Variants in SOAT1 observed in about 807,000 individuals in gnomAD.
The protein encoded by SOAT1 is acyl-coenzyme A:cholesterol acyltransferase 1.
Under a neutral mutation model 69.5 loss-of-function variants are expected in SOAT1, and 55 were observed. The ratio of observed to expected loss-of-function variants is 0.79; its 90% CI spans 0.64 to 0.99. The LOEUF is 0.99. SOAT1 is among the 50% of genes least tolerant of loss of function. SOAT1 has a pLI of 0.00. For synonymous variants in SOAT1, 231 were observed against 224.7 expected (o/e 1.03, Z -0.25); for missense variants, 580 against 669.3 (o/e 0.87, Z 1.47).
chr1:179,353,213 A>ATATATAT (rs1666800849), intron 15 of SOAT1, among the ~76,000 whole-genome samples: 1 of 116,560 alleles, frequency 8.6e-6, no homozygotes, highest in Non-Finnish European at 1.7e-5. Context: ...ATATAAATAT[A>ATATATAT]TATATATATA....
At chr1:179,294,978 T>A (rs1664583394) in intron 1 of SOAT1, among the ~76,000 whole-genome samples, 1 of 152,040 alleles carries the variant, frequency 6.6e-6, no homozygotes, top group African/African-American at 2.4e-5. Context: ...GCGGTGTCAG[T>A]GAATGACTTG....
chr1:179,346,268 C>A (rs1272192024), intron 11 of SOAT1, among the ~76,000 whole-genome samples: 2 of 152,144 alleles, frequency 1.3e-5, no homozygotes, highest in African/African-American at 4.8e-5. Context: ...TATAGCCAAT[C>A]ACAGTCTCTC....
intron 2 of SOAT1, among the ~76,000 whole-genome samples, chr1:179,317,506 C>T (rs1014103295): frequency 8.8e-5 from 12 of 137,062 alleles, no homozygotes; most frequent in African/African-American, 3.2e-4. Flanking sequence ...ACCCTCCAGC[C>T]TGGGTGACAG....
At chr1:179,340,908 A>T in intron 6 of SOAT1, 120 bp from the exon 7 acceptor site, 2 of 816,488 alleles carry the variant, frequency 2.4e-6, no homozygotes, top group Non-Finnish European at 3.8e-6. Flanking sequence ...ACTTCAGCGT[A>T]TTAACGTTGT....
intron 2 of SOAT1, among the ~76,000 whole-genome samples, chr1:179,315,289 T>A (rs1050591187): frequency 7.9e-5 from 12 of 151,924 alleles, no homozygotes; most frequent in African/African-American, 1.7e-4. Context: ...TACAAAAAAA[T>A]TTTTTTTAAT....
intron 13 of SOAT1, among the ~76,000 whole-genome samples, chr1:179,349,805 A>G (rs1016699586): frequency 4.4e-4 from 67 of 152,298 alleles, no homozygotes; most frequent in African/African-American, 1.5e-3. Flanking sequence ...TGAGGGCACC[A>G]TTTGGCTTAG....
chr1:179,295,176 ACTTTCCTTCTGG>A (rs1352021119), intron 1 of SOAT1, among the ~76,000 whole-genome samples: 2 of 152,212 alleles, frequency 1.3e-5, no homozygotes, highest in East Asian at 3.9e-4. Context: ...CATTTGGCCC[ACTTTCCTTCTGG>A]CTTTCCAGGT....
At chr1:179,327,377 T>C (rs1665828732) in intron 3 of SOAT1, among the ~76,000 whole-genome samples, 1 of 152,198 alleles carries the variant, frequency 6.6e-6, no homozygotes, top group South Asian at 2.1e-4. Flanking sequence ...AGTGAGAGCA[T>C]TGCACTAGTT....
intron 2 of SOAT1, among the ~76,000 whole-genome samples, chr1:179,310,721 C>T (rs1330930505): frequency 2.6e-5 from 4 of 152,082 alleles, no homozygotes; most frequent in African/African-American, 4.8e-5. Context: ...TTATAAGACA[C>T]GGTCAATGAG....
chr1:179,329,714 CAAA>C (rs745468620), intron 3 of SOAT1, among the ~76,000 whole-genome samples: 3 of 111,386 alleles, frequency 2.7e-5, no homozygotes, highest in Non-Finnish European at 1.9e-5. Flanking sequence ...GACTTCATCT[CAAA>C]AAAAAAAAAA....
intron 12 of SOAT1, among the ~76,000 whole-genome samples, chr1:179,348,168 G>A (rs1209172451): frequency 2.0e-5 from 3 of 152,178 alleles, no homozygotes; most frequent in African/African-American, 7.2e-5. Flanking sequence ...TGCTTCTAAA[G>A]TTGGAATTAA....
chr1:179,330,592 A>G (rs990425955), intron 3 of SOAT1, among the ~76,000 whole-genome samples: 1 of 152,214 alleles, frequency 6.6e-6, no homozygotes, highest in African/African-American at 2.4e-5. Context: ...TATTTACATC[A>G]AAGTTGAACT....
In SOAT1 at chr1:179,298,292, G is replaced by C. The variant is rs190668961; in HGVS notation, c.-9+4356G>C. Among the ~76,000 whole-genome samples the C allele has an allele frequency of 2.5e-3, 377 of 151,772 alleles. 5 individuals are homozygous for C. The highest frequency in any genetic ancestry group is 3.5e-3 in the Admixed American group (53 of 15,222). Reference sequence around the variant, plus strand: ...TAGAGACGAGGTTTCACCGTGCTAGGCTAGCCAGGATGGTCTCGATCTCCT... The same window carrying C: ...TAGAGACGAGGTTTCACCGTGCTAGCCTAGCCAGGATGGTCTCGATCTCCT... On this transcript the variant is annotated intron_variant, in intron 1 of 15. Coordinates refer to ENST00000367619, the MANE Select transcript of SOAT1 (RefSeq NM_003101.6).
intron 11 of SOAT1, among the ~76,000 whole-genome samples, chr1:179,346,980 A>G (rs547184610): frequency 1.8e-4 from 28 of 152,142 alleles, no homozygotes; most frequent in Admixed American, 3.9e-4. Flanking sequence ...GTTTTAAACA[A>G]TTGTTTAAGA....
intron 1 of SOAT1, among the ~76,000 whole-genome samples, chr1:179,297,849 A>G (rs1664704158): frequency 1.3e-5 from 2 of 151,450 alleles, no homozygotes; most frequent in Non-Finnish European, 2.9e-5. Context: ...TCTCTACTAA[A>G]AATACAAAAT....
intron 2 of SOAT1, among the ~76,000 whole-genome samples, chr1:179,317,312 T>C (rs1665427812): frequency 6.6e-6 from 1 of 152,096 alleles, no homozygotes; most frequent in South Asian, 2.1e-4. Flanking sequence ...GGCGGGCGGA[T>C]CACGAGGTCA....
At chr1:179,307,566 T>TAA (rs11324275) in intron 2 of SOAT1, among the ~76,000 whole-genome samples, 4 of 150,338 alleles carry the variant, frequency 2.7e-5, no homozygotes, top group African/African-American at 9.8e-5. Flanking sequence ...CCCCATCTCT[T>TAA]AAAAAAAAAT....
intron 2 of SOAT1, among the ~76,000 whole-genome samples, chr1:179,322,357 T>G (rs547793781): frequency 6.6e-6 from 1 of 152,182 alleles, no homozygotes; most frequent in Non-Finnish European, 1.5e-5. Context: ...GTGTGTTTTA[T>G]GAAGTTTGAC....
chr1:179,324,785 A>G (rs1665721406), intron 3 of SOAT1, among the ~76,000 whole-genome samples: 3 of 143,130 alleles, frequency 2.1e-5, no homozygotes, highest in Admixed American at 1.5e-4. Context: ...TATTTAACGT[A>G]TAGACACATG....
Sources: gnomAD v4.1 joint callset for allele counts (sites outside exome capture counted in the v4.1 genomes callset) on GRCh38, gnomAD v4.1.1 for gene constraint, MANE v1.5 for transcripts, NCBI Gene and HGNC (gene_info 2026-07-23, HGNC 2026-07-21) for gene names.